SLC38A9: variants seen among roughly 807,000 people sequenced by gnomAD.
SLC38A9 encodes solute carrier family 38 member 9.
A neutral mutation model predicts 62.3 loss-of-function variants in SLC38A9; 48 were observed. The observed-to-expected ratio is 0.77, with a 90% CI of 0.61 to 0.98. The LOEUF (loss-of-function observed/expected upper bound fraction) is 0.98, where lower values mean the gene tolerates loss of function less well. SLC38A9 is among the 50% of genes least tolerant of loss of function. The pLI, the probability that SLC38A9 is intolerant of heterozygous loss-of-function variation, is 0.00. For missense variants in SLC38A9, 541 were observed against 679.8 expected (o/e 0.80, Z 2.27); for synonymous variants, 204 against 227.7 (o/e 0.90, Z 0.94).
At chr5:55,682,286 A>G (rs957604530) in intron 3 of SLC38A9, among the ~76,000 whole-genome samples, 12 of 152,164 alleles carry the variant, frequency 7.9e-5, no homozygotes, top group African/African-American at 2.7e-4. Context: ...AGCCAAAACA[A>G]CTACAATAAA....
chr5:55,690,597 T>G (rs567857755), intron 3 of SLC38A9, among the ~76,000 whole-genome samples: 2 of 152,228 alleles, frequency 1.3e-5, no homozygotes, highest in African/African-American at 4.8e-5. Flanking sequence ...CCACCCCTCC[T>G]GGGAAAACTA....
At chr5:55,626,758 G>T (rs2149996966) in intron 15 of SLC38A9, 99 bp from the exon 16 acceptor site, 2 of 1,064,112 alleles carry the variant, frequency 1.9e-6, no homozygotes, top group Non-Finnish European at 2.6e-6. Context: ...CAGTCTGATA[G>T]CTCAACAAAA....
At chr5:55,659,827 A>G (rs1749148117) in intron 8 of SLC38A9, among the ~76,000 whole-genome samples, 1 of 151,860 alleles carries the variant, frequency 6.6e-6, no homozygotes, top group Admixed American at 6.6e-5. Context: ...GTGCAGTGGC[A>G]CGGTCTCCGC....
rs1402022539 is a variant in SLC38A9 at position 55,698,002 on chromosome 5, G to A, written c.-34-10C>T. 1.2e-6 allele frequency: 1 copy of A among 868,740 alleles called. No homozygotes were observed. Among genetic ancestry groups the A allele is most frequent in the South Asian group, 1.7e-5 (1 of 58,892 alleles). The allele number at this position is 868,740 out of a possible 1,614,324, so 53.8% of individuals were successfully genotyped here. ...ACTGAAGAAGTTAGTCCTACACAAAGAAGATAAATAATTTAGTTTAATTTT... is the reference window on the plus strand; with the variant it reads ...ACTGAAGAAGTTAGTCCTACACAAAAAAGATAAATAATTTAGTTTAATTTT... On this transcript the variant is annotated splice_polypyrimidine_tract_variant and intron_variant, in intron 2 of 15. Coordinates refer to ENST00000396865, the MANE Select transcript of SLC38A9 (RefSeq NM_173514.4).
At chr5:55,642,042 T>C (rs948584903) in intron 12 of SLC38A9, among the ~76,000 whole-genome samples, 16 of 152,150 alleles carry the variant, frequency 1.1e-4, no homozygotes, top group African/African-American at 3.1e-4. Flanking sequence ...CCTTCCCCTT[T>C]CCCTTCCTTG....
At chr5:55,710,281 C>A (rs1427840390) in intron 2 of SLC38A9, among the ~76,000 whole-genome samples, 1 of 149,718 alleles carries the variant, frequency 6.7e-6, no homozygotes, top group Non-Finnish European at 1.5e-5. Flanking sequence ...TGGCTCACTG[C>A]AACCTCCGCC....
rs147407758 is a variant in SLC38A9, at chr5:55,711,130, T to C, written c.-35+322A>G. 1.3e-3 allele frequency among the ~76,000 whole-genome samples: 194 copies of C among 151,386 alleles called. 1 individual carries two copies. The highest frequency in any genetic ancestry group is 4.5e-3 in the African/African-American group (187 of 41,376). ...CAACATGGTGAAACCCCGTTTCTAC[T>C]AAAAATACAAAAATTAGCGGGGCGT... On this transcript the variant is annotated intron_variant, in intron 2 of 15. Transcript: ENST00000396865.
At chr5:55,666,285 T>C (rs574515920) in intron 7 of SLC38A9, among the ~76,000 whole-genome samples, 134 of 152,328 alleles carry the variant, frequency 8.8e-4, no homozygotes, top group African/African-American at 3.1e-3. Context: ...ATTATTATAT[T>C]AGTAATATAA....
chr5:55,697,990 G>T lies in SLC38A9; in HGVS notation c.-32C>A. On this transcript the variant is annotated splice_region_variant and 5_prime_UTR_variant, in exon 3 of 16. Transcript: ENST00000396865. ...CACACTCTAAGCACTGAAGAAGTTA[G>T]TCCTACACAAAGAAGATAAATAATT... is the stretch of plus-strand genomic sequence containing the variant. 1.9e-6 allele frequency: 2 copies of T among 1,076,660 alleles called. No homozygotes were observed. The highest frequency in any genetic ancestry group is 2.8e-6 in the Non-Finnish European group (2 of 723,086). 66.7% of individuals were successfully genotyped at this position (1,076,660 alleles called of 1,614,324 possible). A position where few individuals can be genotyped will look rare whatever the true frequency, so the allele number is the denominator to read the frequency against.
intron 2 of SLC38A9, among the ~76,000 whole-genome samples, chr5:55,702,356 G>A (rs925951519): frequency 1.3e-5 from 2 of 151,774 alleles, no homozygotes; most frequent in South Asian, 4.2e-4. Context: ...CGACCTCTTG[G>A]GCTCCAGTGA....
chr5:55,698,077 GA>G, intron 2 of SLC38A9, 85 bp from the exon 3 acceptor site: 2 of 567,542 alleles, frequency 3.5e-6, no homozygotes, highest in Non-Finnish European at 3.0e-6. Context: ...TAACAAATTG[GA>G]AAAATACTGG....
intron 10 of SLC38A9, among the ~76,000 whole-genome samples, chr5:55,650,294 A>T (rs1206198241): frequency 1.3e-5 from 2 of 152,222 alleles, no homozygotes. Context: ...TAAGAAATTA[A>T]GTCTAGTCAT....
At chr5:55,712,169 C>T (rs1758149707) in intron 1 of SLC38A9, 48 bp downstream of exon 1, 1 of 152,440 alleles carries the variant, frequency 6.6e-6, no homozygotes, top group Admixed American at 6.5e-5. Context: ...CGGATACCTT[C>T]CCACCTCCCC....
chr5:55,672,490 G>A (rs776954346), intron 4 of SLC38A9, 73 bp downstream of exon 4: 3 of 1,522,098 alleles, frequency 2.0e-6, no homozygotes, highest in Non-Finnish European at 2.7e-6. Context: ...ATCACTGGGA[G>A]GTGCCCTGGC....
intron 2 of SLC38A9, among the ~76,000 whole-genome samples, chr5:55,698,996 A>G (rs1041883282): frequency 1.3e-5 from 2 of 152,102 alleles, no homozygotes; most frequent in Non-Finnish European, 2.9e-5. Context: ...GCTCACGTCT[A>G]TAATCTCAAC....
At position 55,689,912 on chromosome 5, in the gene SLC38A9, C is replaced by A. The variant is rs981816608; in HGVS notation, c.113+7934G>T. Among the ~76,000 whole-genome samples, 14 of 152,234 alleles carry A rather than the reference C, an allele frequency of 9.2e-5. No individual in the cohort carries two copies. The East Asian group carries it at 2.3e-3, about 25-fold the overall frequency. ...AGGAAGAAAAGATGATAAAGCAAAACTAGCTTCCAGGCAAGTAAACAAATA... is the reference window on the plus strand; with the variant it reads ...AGGAAGAAAAGATGATAAAGCAAAAATAGCTTCCAGGCAAGTAAACAAATA... On this transcript the variant is annotated intron_variant, in intron 3 of 15. Coordinates refer to ENST00000396865, the MANE Select transcript of SLC38A9 (RefSeq NM_173514.4).
At chr5:55,677,953 T>TGTGTGTGTGTGGGG (rs1752384525) in intron 3 of SLC38A9, among the ~76,000 whole-genome samples, 1 of 149,288 alleles carries the variant, frequency 6.7e-6, no homozygotes, top group Non-Finnish European at 1.5e-5. Flanking sequence ...TGTGTGTGTG[T>TGTGTGTGTGTGGGG]GTGTGTGTGT....
intron 12 of SLC38A9, among the ~76,000 whole-genome samples, chr5:55,642,324 C>T (rs544384739): frequency 1.3e-5 from 2 of 152,320 alleles, no homozygotes; most frequent in African/African-American, 2.4e-5. Context: ...GGATTACAGG[C>T]GTGAGCCACC....
Position 55,627,993 on chromosome 5 carries a change from AAG to A in SLC38A9, c.1431-15_1431-14del. 3 of 1,591,124 alleles carry A rather than the reference AAG, an allele frequency of 1.9e-6. No homozygotes were observed. Among genetic ancestry groups the A allele is most frequent in the Non-Finnish European group, 1.7e-6 (2 of 1,160,008 alleles). ...CACATGGAAAATGCTAGAAGTTGAG[AAG>A]AGAGTTTGGAAGAAAGAAAAAATAT... On this transcript the variant is annotated splice_polypyrimidine_tract_variant and intron_variant, in intron 14 of 15. Transcript: ENST00000396865.
Sources: allele counts gnomAD v4.1 joint callset (sites outside exome capture counted in the v4.1 genomes callset), GRCh38; gene constraint gnomAD v4.1.1; transcripts MANE v1.5; gene names NCBI Gene and HGNC (gene_info 2026-07-23, HGNC 2026-07-21).